The following SPTLC1 variants were observed in gnomAD, a reference collection of about 807,000 sequenced individuals.
The protein encoded by SPTLC1 is serine palmitoyltransferase 1.
In SPTLC1, 55 loss-of-function variants were observed where a neutral mutation model predicts 68.9. The observed-to-expected ratio is 0.80, with a 90% CI of 0.64 to 1.00. The LOEUF (loss-of-function observed/expected upper bound fraction) is 1.00. Among genes scored for constraint, SPTLC1 ranks in the 50% least tolerant of loss-of-function variants. The pLI, the probability that SPTLC1 is intolerant of heterozygous loss-of-function variation, is 0.00. For missense variants in SPTLC1, 449 were observed against 573.1 expected, an observed-to-expected ratio of 0.78 and a Z score of 2.21; for synonymous variants, 197 against 201.6, an observed-to-expected ratio of 0.98 and a Z score of 0.19.
intron 11 of SPTLC1, 93 bp from the exon 12 acceptor site, chr9:92,046,146 T>C: frequency 9.5e-7 from 1 of 1,052,430 alleles, no homozygotes; most frequent in South Asian, 1.3e-5. Context: ...AGTTCATCAA[T>C]TTAAAATGCT....
chr9:92,067,870 AT>A (rs1834348767), intron 6 of SPTLC1, 95 bp downstream of exon 6: 4 of 1,445,066 alleles, frequency 2.8e-6, no homozygotes, highest in Admixed American at 1.8e-5. Context: ...AAGCAGCATT[AT>A]TTTATGCAGA....
intron 12 of SPTLC1, among the ~76,000 whole-genome samples, chr9:92,045,524 T>TTAA (rs1274356655): frequency 2.8e-4 from 9 of 31,638 alleles, no homozygotes; most frequent in African/African-American, 7.8e-4. Flanking sequence ...TCTTGTGTAG[T>TTAA]AAAAAAAAAA....
intron 12 of SPTLC1, among the ~76,000 whole-genome samples, chr9:92,042,760 G>A (rs1367358930): frequency 1.3e-5 from 2 of 152,104 alleles, no homozygotes; most frequent in Non-Finnish European, 2.9e-5. Context: ...TGATAAACCT[G>A]TATTCCAAAA....
In SPTLC1 at chr9:92,051,117, T is replaced by C. The variant is rs1223792664; in HGVS notation, c.781-1050A>G. On this transcript the variant is annotated intron_variant, in intron 8 of 14. Coordinates refer to ENST00000262554, the MANE Select transcript of SPTLC1 (RefSeq NM_006415.4). ...TCACTACCTCCCTCCCATTATTCTA[T>C]CAACCATTGACACTCTTACAAAAAC... is the stretch of plus-strand genomic sequence containing the variant. 4 of 985,166 alleles carry C rather than the reference T, an allele frequency of 4.1e-6. No homozygotes were observed. The African/African-American group carries it at 5.2e-5, about 13-fold the overall frequency. 61.0% of individuals were successfully genotyped at this position (985,166 alleles called of 1,614,324 possible). A position where few individuals can be genotyped will look rare whatever the true frequency, so the allele number is the denominator to read the frequency against.
intron 11 of SPTLC1, 34 bp from the exon 12 acceptor site, chr9:92,046,087 G>A: frequency 3.8e-6 from 6 of 1,566,614 alleles, no homozygotes; most frequent in Non-Finnish European, 5.3e-6. Flanking sequence ...GAGTCTATTT[G>A]AAACTTATGA....
chr9:92,094,261 A>T (rs1383652940), intron 3 of SPTLC1, among the ~76,000 whole-genome samples: 4 of 152,232 alleles, frequency 2.6e-5, no homozygotes, highest in Admixed American at 6.5e-5. Context: ...TATTTCACTG[A>T]ATCTAAGATG....
chr9:92,036,301 T>C (rs527296520), intron 13 of SPTLC1, among the ~76,000 whole-genome samples: 29 of 152,344 alleles, frequency 1.9e-4, no homozygotes, highest in African/African-American at 7.0e-4. Context: ...AGACTTTTCG[T>C]TTCCTCTTTC....
In SPTLC1 at chr9:92,046,002, T is replaced by C. The variant is rs369271983; in HGVS notation, c.1133A>G (p.Gln378Arg). 1.2e-6 allele frequency: 2 copies of C among 1,612,772 alleles called. No homozygotes were observed. Among genetic ancestry groups the C allele is most frequent in the East Asian group, 2.2e-5 (1 of 44,834 alleles). Reference sequence around the variant, plus strand: ...GTTGAAAATATATAAAACTCACCCTTGTAAAGCTTTATGAATTTGTCCGCA... The same window carrying C: ...GTTGAAAATATATAAAACTCACCCTCGTAAAGCTTTATGAATTTGTCCGCA... The part of the protein sequence containing the change: ...EKCGQIHKAL[Q>R]GISGLKVVGE... The change falls in exon 12 of 15, where the codon CAA (glutamine) becomes CGA (arginine). Residue 378 changes from glutamine (Q) to arginine (R), a missense_variant. Gln to Arg is a conservative substitution (Grantham distance 43). Coordinates refer to ENST00000262554, the MANE Select transcript of SPTLC1 (RefSeq NM_006415.4).
intron 3 of SPTLC1, 116 bp from the exon 4 acceptor site, chr9:92,081,079 G>A: frequency 1.4e-6 from 1 of 739,968 alleles, no homozygotes; most frequent in Non-Finnish European, 2.4e-6. Context: ...TTTGCATACT[G>A]GTCTTTGATT....
intron 9 of SPTLC1, among the ~76,000 whole-genome samples, chr9:92,049,438 G>C (rs1019487118): frequency 1.3e-5 from 2 of 152,048 alleles, no homozygotes; most frequent in Admixed American, 6.6e-5. Flanking sequence ...CATTCTGTTT[G>C]GGACTTTAAG....
chr9:92,050,811 A>ATTTTTTTTTTTTTTTTTTTTTTTTTT lies in SPTLC1; in HGVS notation c.781-745_781-744insAAAAAAAAAAAAAAAAAAAAAAAAAA, dbSNP rs370967911. ...CTTAACAAAAGACAGCACAATACTG[A>ATTTTTTTTTTTTTTTTTTTTTTTTTT]TTTTTTTTTTTTTTTTTTTGAGACA... is the stretch of plus-strand genomic sequence containing the variant. On this transcript the variant is annotated intron_variant, in intron 8 of 14. Coordinates refer to ENST00000262554, the MANE Select transcript of SPTLC1 (RefSeq NM_006415.4). 2 of 104,954 alleles carry ATTTTTTTTTTTTTTTTTTTTTTTTTT rather than the reference A, an allele frequency of 1.9e-5. 1 individual carries two copies. The highest frequency in any genetic ancestry group is 9.5e-5 in the African/African-American group (2 of 21,080). The allele number at this position is 104,954 out of a possible 1,614,324, so 6.5% of individuals were successfully genotyped here.
At chr9:92,051,277 G>C (rs1833696204) in intron 8 of SPTLC1, 1 of 984,302 alleles carries the variant, frequency 1.0e-6, no homozygotes, top group Non-Finnish European at 1.2e-6. Context: ...TAGACTCCTA[G>C]ATTAAAATCT....
chr9:92,088,572 C>A (rs1835244298), intron 3 of SPTLC1, among the ~76,000 whole-genome samples: 1 of 152,170 alleles, frequency 6.6e-6, no homozygotes, highest in South Asian at 2.1e-4. Flanking sequence ...AAACAACAAA[C>A]AAATACCGAG....
intron 5 of SPTLC1, among the ~76,000 whole-genome samples, chr9:92,071,357 G>A (rs1834482721): frequency 1.3e-5 from 2 of 152,054 alleles, no homozygotes; most frequent in African/African-American, 4.8e-5. Flanking sequence ...CCAAGATCAC[G>A]CCATCGCACT....
At chr9:92,082,617 A>C (rs924487032) in intron 3 of SPTLC1, among the ~76,000 whole-genome samples, 1 of 151,450 alleles carries the variant, frequency 6.6e-6, no homozygotes, top group Non-Finnish European at 1.5e-5. Context: ...TATGTGCCAC[A>C]TTTTCTTAAT....
chr9:92,045,526 A>T (rs1373113361), intron 12 of SPTLC1, among the ~76,000 whole-genome samples: 4 of 112,446 alleles, frequency 3.6e-5, no homozygotes, highest in African/African-American at 1.3e-4. Flanking sequence ...TTGTGTAGTA[A>T]AAAAAAAAAA....
chr9:92,048,262 A>G (rs1056300619), intron 9 of SPTLC1, among the ~76,000 whole-genome samples: 1 of 152,202 alleles, frequency 6.6e-6, no homozygotes, highest in African/African-American at 2.4e-5. Context: ...TTTGAGTCCT[A>G]CATCTTTCTG....
At chr9:92,071,215 C>T (rs1834472738) in intron 5 of SPTLC1, among the ~76,000 whole-genome samples, 1 of 144,884 alleles carries the variant, frequency 6.9e-6, no homozygotes, top group South Asian at 2.2e-4. Context: ...AACGGAGAAA[C>T]CCTATCTCTA....
chr9:92,088,141 C>G (rs1028213383), intron 3 of SPTLC1, among the ~76,000 whole-genome samples: 1 of 152,206 alleles, frequency 6.6e-6, no homozygotes, highest in African/African-American at 2.4e-5. Flanking sequence ...TTTTCAGGTG[C>G]CGTCTGTCAC....
Sources: allele counts gnomAD v4.1 joint callset (sites outside exome capture counted in the v4.1 genomes callset), GRCh38; gene constraint gnomAD v4.1.1; transcripts MANE v1.5; gene names NCBI Gene and HGNC (gene_info 2026-07-23, HGNC 2026-07-21).